The following CFAP47 variants were observed in gnomAD, a reference collection of about 807,000 sequenced individuals.
The protein encoded by CFAP47 is cilia and flagella associated protein 47.
In CFAP47, 29 loss-of-function variants were observed where a neutral mutation model predicts 148.1. That is an observed-to-expected ratio of 0.20 (90% CI 0.15 to 0.27). The LOEUF is 0.27. Ranked by LOEUF, CFAP47 falls within the 10% of genes least tolerant of loss-of-function variation. The pLI is 1.00. For synonymous variants in CFAP47, 664 were observed against 577.3 expected (o/e 1.15, Z -2.15); for missense variants, 1,872 against 1,697.5 (o/e 1.10, Z -1.81).
rs920832289 is a variant in CFAP47 at position 36,085,772 on chromosome X, A to G, written c.4916+234A>G. On this transcript the variant is annotated intron_variant, in intron 30 of 63. Transcript: ENST00000378653. ...ATATAATGCTTAATAGCCAATAAGC[A>G]TTTTATGATGTATTGGATTTTTAAG... 5.5e-5 allele frequency among the ~76,000 whole-genome samples: 6 copies of G among 109,679 alleles called. No individual in the cohort carries two copies. The South Asian group carries it at 1.1e-3, about 21-fold the overall frequency.
At chrX:36,192,096 A>G (rs1217414230) in intron 42 of CFAP47, among the ~76,000 whole-genome samples, 1 of 111,842 alleles carries the variant, frequency 8.9e-6, no homozygotes, top group East Asian at 2.8e-4. Flanking sequence ...TTACGAAGCA[A>G]AGACTATTTC....
chrX:36,123,364 C>T (rs1938780264), intron 33 of CFAP47, among the ~76,000 whole-genome samples: 1 of 112,013 alleles, frequency 8.9e-6, no homozygotes, highest in African/African-American at 3.2e-5. Context: ...TTATTCCCTT[C>T]TTTTCAGGGT....
At chrX:35,971,503 T>A in intron 11 of CFAP47, 83 bp from the exon 12 acceptor site, 1 of 620,950 alleles carries the variant, frequency 1.6e-6, no homozygotes, top group Non-Finnish European at 2.4e-6. Context: ...CAATATGCAC[T>A]ATGGGAAAGG....
At chrX:36,043,310 T>TC (rs1937427801) in intron 25 of CFAP47, among the ~76,000 whole-genome samples, 1 of 112,415 alleles carries the variant, frequency 8.9e-6, no homozygotes, top group Non-Finnish European at 1.9e-5. Flanking sequence ...AATCATGTCT[T>TC]CCTGACAGTC....
At chrX:36,120,201 G>A in intron 33 of CFAP47, among the ~76,000 whole-genome samples, 1 of 107,934 alleles carries the variant, frequency 9.3e-6, no homozygotes, top group East Asian at 2.9e-4. Context: ...GTAGAGACGG[G>A]GTTTCATCAT....
chrX:35,955,662 C>A (rs930469284), intron 7 of CFAP47, among the ~76,000 whole-genome samples: 12 of 112,060 alleles, frequency 1.1e-4, no homozygotes, highest in African/African-American at 3.9e-4. Context: ...CTTACCTTTA[C>A]CCATAATACT....
At chrX:36,162,524 C>T (rs1939443261) in intron 39 of CFAP47, among the ~76,000 whole-genome samples, 1 of 111,522 alleles carries the variant, frequency 9.0e-6, no homozygotes, top group Non-Finnish European at 1.9e-5. Flanking sequence ...TTAGCAGTCT[C>T]ATATTAAACA....
chrX:35,959,531 G>A (rs6632435), intron 8 of CFAP47, among the ~76,000 whole-genome samples: 10,909 of 111,167 alleles, frequency 0.098, 507 homozygotes, highest in East Asian at 0.3. Flanking sequence ...TTTGTTGGTC[G>A]GGCGCGGTGG....
intron 37 of CFAP47, among the ~76,000 whole-genome samples, chrX:36,158,715 G>A (rs972029372): frequency 8.9e-5 from 10 of 111,806 alleles, no homozygotes; most frequent in African/African-American, 2.6e-4. Context: ...GCAGCAATTC[G>A]TGAGCCTCCA....
intron 1 of CFAP47, among the ~76,000 whole-genome samples, chrX:35,923,845 A>G (rs191296019): frequency 0.018 from 1,706 of 94,292 alleles, 116 homozygotes; most frequent in African/African-American, 0.069. Flanking sequence ...ATATATATAT[A>G]TGTGTGTATA....
At chrX:36,001,436 G>A (rs1043906655) in intron 20 of CFAP47, among the ~76,000 whole-genome samples, 177 bp from the exon 21 acceptor site, 16 of 111,495 alleles carry the variant, frequency 1.4e-4, no homozygotes, top group African/African-American at 5.2e-4. Flanking sequence ...TGAGTTTACT[G>A]TCACTGTTTT....
At chrX:36,238,305 A>G (rs921900141) in intron 48 of CFAP47, among the ~76,000 whole-genome samples, 1 of 112,209 alleles carries the variant, frequency 8.9e-6, no homozygotes, top group African/African-American at 3.2e-5. Context: ...GCTTATTGCC[A>G]TGTAAGACAT....
chrX:36,211,366 C>CA (rs2146889144), intron 45 of CFAP47: 2 of 247,614 alleles, frequency 8.1e-6, no homozygotes, highest in African/African-American at 2.9e-5. Flanking sequence ...AAAGGGGAGA[C>CA]AAAAAAGAAG....
At chrX:35,968,751 T>G (rs1420548157) in intron 10 of CFAP47, among the ~76,000 whole-genome samples, 1 of 110,729 alleles carries the variant, frequency 9.0e-6, no homozygotes, top group Non-Finnish European at 1.9e-5. Context: ...TCCATCCAAA[T>G]TAGCCTTTTT....
At chrX:36,185,358 G>A (rs1421998106) in intron 40 of CFAP47, among the ~76,000 whole-genome samples, 2 of 110,640 alleles carry the variant, frequency 1.8e-5, no homozygotes, top group African/African-American at 6.6e-5. Flanking sequence ...CATGAAACTG[G>A]GGATTAGATT....
At chrX:36,365,581 T>C (rs1721477925) in intron 61 of CFAP47, 1 of 110,646 alleles carries the variant, frequency 9.0e-6, no homozygotes. Context: ...TCTTCACCCA[T>C]GTATGAAGAC....
intron 29 of CFAP47, among the ~76,000 whole-genome samples, chrX:36,082,220 A>C (rs1937996264): frequency 9.0e-6 from 1 of 111,130 alleles, no homozygotes; most frequent in African/African-American, 3.3e-5. Context: ...ATTTCTTATA[A>C]GTCAATATAA....
intron 33 of CFAP47, among the ~76,000 whole-genome samples, chrX:36,136,231 A>G (rs1939042877): frequency 9.2e-6 from 1 of 108,272 alleles, no homozygotes; most frequent in East Asian, 3.0e-4. Context: ...GTATTCATTG[A>G]CTTCTGCTTG....
At chrX:36,091,258 C>G (rs1938180437) in intron 30 of CFAP47, among the ~76,000 whole-genome samples, 1 of 111,555 alleles carries the variant, frequency 9.0e-6, no homozygotes, top group African/African-American at 3.3e-5. Flanking sequence ...TGTAGGCTCC[C>G]TCCTCAAGAA....
Sources: allele counts gnomAD v4.1 joint callset (sites outside exome capture counted in the v4.1 genomes callset), GRCh38; gene constraint gnomAD v4.1.1; transcripts MANE v1.5; gene names NCBI Gene and HGNC (gene_info 2026-07-23, HGNC 2026-07-21).